Variants in ACOT7 observed in about 807,000 individuals in gnomAD.
The protein encoded by ACOT7 is acyl-CoA thioesterase 7.
In ACOT7, 12 loss-of-function variants were observed where a neutral mutation model predicts 40.2. The observed-to-expected ratio is 0.30, with a 90% confidence interval of 0.19 to 0.48. ACOT7 has a LOEUF of 0.48. Ranked by LOEUF, ACOT7 falls within the 20% of genes least tolerant of loss-of-function variation. The pLI is 0.99. For missense variants in ACOT7, 395 were observed against 530.8 expected, an observed-to-expected ratio of 0.74 and a Z score of 2.51; for synonymous variants, 228 against 219.5, an observed-to-expected ratio of 1.04 and a Z score of -0.34.
chr1:6,307,879 C>T (rs1314446630), intron 6 of ACOT7, among the ~76,000 whole-genome samples: 9 of 149,888 alleles, frequency 6.0e-5, no homozygotes, highest in Admixed American at 6.0e-4. Flanking sequence ...CAGAGGGAAC[C>T]ACAACCAGAC....
Position 6,358,239 on chromosome 1 carries a change from C to T in ACOT7, c.144-8373G>A, listed in dbSNP as rs375453801. On this transcript the variant is annotated intron_variant, in intron 1 of 8. Transcript: ENST00000361521. This position sits in a 1 kb window ranked among gnomAD's most constrained non-coding sequence, Gnocchi z 4.1. Reference sequence around the variant, plus strand: ...GTCCCTTCAACCCACAGACACGCCACTGCATCTCCAGAAGAGGGAAGGGTG... The same window carrying T: ...GTCCCTTCAACCCACAGACACGCCATTGCATCTCCAGAAGAGGGAAGGGTG... Among the ~76,000 whole-genome samples the T allele has an allele frequency of 1.8e-4, 28 of 152,222 alleles. No homozygotes were observed. The highest frequency in any genetic ancestry group is 6.3e-4 in the African/African-American group (26 of 41,538).
rs755713548 is a variant in ACOT7, at chr1:6,294,915, T to C, written c.778A>G (p.Ile260Val). 6.2e-6 allele frequency: 10 copies of C among 1,614,012 alleles called. No homozygotes were observed. In the Admixed American group the frequency reaches 1.2e-4, roughly 19 times the overall value. The change falls in exon 7 of 9, where the codon ATC (isoleucine) becomes GTC (valine). Residue 260 changes from isoleucine (I) to valine (V), a missense_variant. Physicochemically the swap from Ile to Val is conservative, Grantham distance 29. Around this residue, in one of 2 missense-constraint regions of ACOT7, gnomAD observed 309 missense variants for 470.3 expected, o/e 0.66. Coordinates refer to ENST00000361521, the MANE Select transcript of ACOT7 (RefSeq NM_007274.4). The surrounding 1 kb of genome is among the most constrained non-coding windows in gnomAD (Gnocchi z 4.6). ...IVAARHCKTNIVTASVDAINF... is the reference protein window; with the variant it reads ...IVAARHCKTNVVTASVDAINF... The stretch of plus-strand genomic sequence containing the variant: ...ATGGCGTCCACGGAAGCTGTGACGA[T>C]GTTGGTCTTGCAGTGGCGTGCAGCC...
rs1641827245 is a variant in ACOT7 at position 6,359,011 on chromosome 1, G to T, written c.144-9145C>A. 1 of 1,218,732 alleles carries T rather than the reference G, an allele frequency of 8.2e-7. No individual in the cohort carries two copies. Among genetic ancestry groups the T allele is most frequent in the Admixed American group, 3.0e-5 (1 of 33,076 alleles). 75.5% of individuals were successfully genotyped at this position (1,218,732 alleles called of 1,614,324 possible). Reference sequence around the variant, plus strand: ...CTGAGCTGCCCAATCTGGCCAGGAAGAGGCTGCCTCGCCAATCCAGAGCGT... The same window carrying T: ...CTGAGCTGCCCAATCTGGCCAGGAATAGGCTGCCTCGCCAATCCAGAGCGT... On this transcript the variant is annotated intron_variant, in intron 1 of 8. Coordinates refer to ENST00000361521, the MANE Select transcript of ACOT7 (RefSeq NM_007274.4). The surrounding 1 kb of genome is among the most constrained non-coding windows in gnomAD (Gnocchi z 4.1).
intron 1 of ACOT7, among the ~76,000 whole-genome samples, chr1:6,363,397 C>T (rs1641931878): frequency 6.6e-6 from 1 of 152,118 alleles, no homozygotes; most frequent in Admixed American, 6.5e-5. Context: ...GACTACTCCT[C>T]CACCTCTTGT....
At chr1:6,331,975 T>G (rs961569704) in intron 4 of ACOT7, among the ~76,000 whole-genome samples, 2 of 152,110 alleles carry the variant, frequency 1.3e-5, no homozygotes, top group African/African-American at 4.8e-5. Context: ...CCATCAGCCC[T>G]GGTGACCGGG....
chr1:6,294,761 C>G lies in ACOT7; in HGVS notation c.829+103G>C, dbSNP rs986061427. Reference sequence around the variant, plus strand: ...TTCCCTGTGGCAGATGGGCACACACCAAGGCCCACATGACCCTGGGTGTGA... The same window carrying G: ...TTCCCTGTGGCAGATGGGCACACACGAAGGCCCACATGACCCTGGGTGTGA... On this transcript the variant is annotated intron_variant, in intron 7 of 8. Transcript: ENST00000361521. This position sits in a 1 kb window ranked among gnomAD's most constrained non-coding sequence, Gnocchi z 4.6. 3 of 854,190 alleles carry G rather than the reference C, an allele frequency of 3.5e-6. No homozygotes were observed. In the South Asian group the frequency reaches 4.7e-5, roughly 13 times the overall value. The allele number at this position is 854,190 out of a possible 1,614,324, so 52.9% of individuals were successfully genotyped here.
intron 5 of ACOT7, among the ~76,000 whole-genome samples, chr1:6,319,653 T>C (rs975666829): frequency 3.9e-5 from 6 of 152,250 alleles, no homozygotes; most frequent in African/African-American, 1.4e-4. Flanking sequence ...TTAGGGTTTA[T>C]GACAAAATTA....
Position 6,339,636 on chromosome 1 carries a change from C to A in ACOT7, c.262-47G>T, listed in dbSNP as rs371260838. On this transcript the variant is annotated intron_variant, in intron 2 of 8. Coordinates refer to ENST00000361521, the MANE Select transcript of ACOT7 (RefSeq NM_007274.4). ...TCAGCCCAGGTCAGCCAGCCCAGCC[C>A]CGAGAGCCCCACCCAGGACATGCCC... 28 of 1,596,268 alleles carry A rather than the reference C, an allele frequency of 1.8e-5. No homozygotes were observed. In the African/African-American group the frequency reaches 3.6e-4, roughly 21 times the overall value.
chr1:6,286,628 C>G (rs1211807752), intron 7 of ACOT7, among the ~76,000 whole-genome samples: 1 of 152,208 alleles, frequency 6.6e-6, no homozygotes, highest in African/African-American at 2.4e-5. Flanking sequence ...CAAATGCTTT[C>G]CCCATGCACC....
chr1:6,281,763 A>G (rs1027767349), intron 7 of ACOT7, among the ~76,000 whole-genome samples: 44 of 152,312 alleles, frequency 2.9e-4, no homozygotes, highest in African/African-American at 9.6e-4. Context: ...CACTGCTCCA[A>G]GCACCAAGAC....
At chr1:6,392,647 G>T (rs1642551457) in intron 1 of ACOT7, among the ~76,000 whole-genome samples, 1 of 152,236 alleles carries the variant, frequency 6.6e-6, no homozygotes, top group Non-Finnish European at 1.5e-5. Context: ...TAAACTGTTA[G>T]AGGTAGACAG....
At chr1:6,351,517 CT>C (rs1641590577) in intron 1 of ACOT7, among the ~76,000 whole-genome samples, 1 of 152,226 alleles carries the variant, frequency 6.6e-6, no homozygotes, top group Non-Finnish European at 1.5e-5. Context: ...TTGTTTTCCA[CT>C]TAGTAGGAAG....
In ACOT7 at chr1:6,278,032, G is replaced by A. The variant is rs976152831; in HGVS notation, c.1014+3070C>T. Among the ~76,000 whole-genome samples the A allele has an allele frequency of 4.7e-5, 7 of 150,166 alleles. No homozygotes were observed. Among genetic ancestry groups the A allele is most frequent in the Admixed American group, 3.3e-4 (5 of 15,156 alleles). ...CTCTGGCTGACCCGGGCAGCCAGGC[G>A]CCTGCTCCTGGATATGTGAGCCTGA... On this transcript the variant is annotated intron_variant, in intron 8 of 8. Coordinates refer to ENST00000361521, the MANE Select transcript of ACOT7 (RefSeq NM_007274.4). The surrounding 1 kb of genome is among the most constrained non-coding windows in gnomAD (Gnocchi z 4.1).
At chr1:6,374,059 A>G (rs1467475340) in intron 1 of ACOT7, among the ~76,000 whole-genome samples, 1 of 152,144 alleles carries the variant, frequency 6.6e-6, no homozygotes, top group Non-Finnish European at 1.5e-5. Flanking sequence ...TCCATGGCAA[A>G]TGCATTGGGC....
intron 1 of ACOT7, among the ~76,000 whole-genome samples, chr1:6,367,088 A>C (rs1052942507): frequency 5.9e-5 from 9 of 151,720 alleles, no homozygotes; most frequent in Admixed American, 2.6e-4. Context: ...AGTCCCAGCT[A>C]CTCGGGAGGC....
rs375579325 is a variant in ACOT7, at chr1:6,348,352, G to A, written c.261+1397C>T. Reference sequence around the variant, plus strand: ...TACGCAGATACACACACACACACACGCACACACACACAGCTTCCACTCCTC... The same window carrying A: ...TACGCAGATACACACACACACACACACACACACACACAGCTTCCACTCCTC... On this transcript the variant is annotated intron_variant, in intron 2 of 8. Coordinates refer to ENST00000361521, the MANE Select transcript of ACOT7 (RefSeq NM_007274.4). Among the ~76,000 whole-genome samples the A allele has an allele frequency of 2.7e-4, 40 of 148,832 alleles. No homozygotes were observed. In the East Asian group the frequency reaches 4.3e-3, roughly 16 times the overall value.
At chr1:6,269,899 C>A (rs939207322) in intron 8 of ACOT7, among the ~76,000 whole-genome samples, 12 of 152,228 alleles carry the variant, frequency 7.9e-5, no homozygotes, top group Admixed American at 3.3e-4. Context: ...AAGGTGCGGG[C>A]GGCCTTCCTC....
At chr1:6,356,733 A>C (rs1338999657) in intron 1 of ACOT7, among the ~76,000 whole-genome samples, 1 of 151,892 alleles carries the variant, frequency 6.6e-6, no homozygotes, top group Non-Finnish European at 1.5e-5. Flanking sequence ...GCTGGCCAAC[A>C]TGGTGAAACC....
intron 1 of ACOT7, chr1:6,385,797 T>A: frequency 7.0e-7 from 1 of 1,429,154 alleles, no homozygotes; most frequent in South Asian, 1.5e-5. Context: ...ACCAGGCTCC[T>A]GCTCCTCCTA....
Sources: gnomAD v4.1 joint callset for allele counts (sites outside exome capture counted in the v4.1 genomes callset) on GRCh38, gnomAD v4.1.1 for gene constraint, gnomAD v4.1.1 regional missense constraint, Gnocchi (gnomAD v3.1) non-coding constraint, MANE v1.5 for transcripts, NCBI Gene and HGNC (gene_info 2026-07-23, HGNC 2026-07-21) for gene names.